Variants in ZNF804B observed in about 807,000 individuals in gnomAD.
ZNF804B encodes zinc finger protein 804B.
A neutral mutation model predicts 101.4 loss-of-function variants in ZNF804B; 80 were observed. The ratio of observed to expected loss-of-function variants is 0.79; its 90% CI spans 0.66 to 0.95. ZNF804B has a LOEUF of 0.95. ZNF804B is among the 40% of genes least tolerant of loss of function. The pLI, the probability that ZNF804B is intolerant of heterozygous loss-of-function variation, is 0.00. For missense variants in ZNF804B, 1,673 were observed against 1,561.9 expected, an observed-to-expected ratio of 1.07 and a Z score of -1.20; for synonymous variants, 622 against 558.8, an observed-to-expected ratio of 1.11 and a Z score of -1.59.
chr7:89,050,219 G>A (rs1294927282), intron 1 of ZNF804B, among the ~76,000 whole-genome samples: 4 of 152,030 alleles, frequency 2.6e-5, no homozygotes, highest in Non-Finnish European at 5.9e-5. Context: ...TTATTACCAA[G>A]TGACCTAGAT....
chr7:88,811,019 G>A (rs529033426), intron 1 of ZNF804B, among the ~76,000 whole-genome samples: 2 of 151,046 alleles, frequency 1.3e-5, no homozygotes, highest in South Asian at 4.2e-4. Context: ...GATAAACTGA[G>A]AAACCCACCA....
intron 1 of ZNF804B, among the ~76,000 whole-genome samples, chr7:89,031,037 G>A (rs1358198411): frequency 6.6e-6 from 1 of 151,736 alleles, no homozygotes; most frequent in African/African-American, 2.4e-5. Flanking sequence ...GGGGGTTGGG[G>A]GAGGGATAGT....
chr7:88,973,862 A>G (rs376338904), intron 1 of ZNF804B, among the ~76,000 whole-genome samples: 2 of 151,450 alleles, frequency 1.3e-5, no homozygotes, highest in Non-Finnish European at 3.0e-5. Flanking sequence ...AATTCGTAAG[A>G]TGCCATCATC....
chr7:88,854,464 TTTCTTTCTTTCTCTTTCCTTTC>T (rs1583977367), intron 1 of ZNF804B, among the ~76,000 whole-genome samples: 5 of 122,974 alleles, frequency 4.1e-5, no homozygotes, highest in East Asian at 2.7e-4. Context: ...TCTTTCTTTC[TTTCTTTCTTTCTCTTTCCTTTC>T]CTTTCCTTTC....
At chr7:89,192,500 C>T (rs1788472307) in intron 1 of ZNF804B, among the ~76,000 whole-genome samples, 1 of 151,900 alleles carries the variant, frequency 6.6e-6, no homozygotes, top group South Asian at 2.1e-4. Flanking sequence ...AGTGCATGTT[C>T]TATGATTCCA....
At chr7:89,029,949 T>C (rs1788804558) in intron 1 of ZNF804B, among the ~76,000 whole-genome samples, 1 of 152,162 alleles carries the variant, frequency 6.6e-6, no homozygotes, top group African/African-American at 2.4e-5. Context: ...AAATCTGATA[T>C]ATAAAGAGTC....
At chr7:89,016,753 G>T (rs1459987336) in intron 1 of ZNF804B, among the ~76,000 whole-genome samples, 2 of 152,142 alleles carry the variant, frequency 1.3e-5, no homozygotes, top group Non-Finnish European at 2.9e-5. Context: ...TTGTAGTATA[G>T]TTTGAAGTCA....
intron 1 of ZNF804B, among the ~76,000 whole-genome samples, chr7:89,091,722 C>T (rs1789890839): frequency 6.6e-6 from 1 of 152,180 alleles, no homozygotes; most frequent in Non-Finnish European, 1.5e-5. Context: ...ACTGTAACCA[C>T]CTACAAGGAT....
intron 2 of ZNF804B, among the ~76,000 whole-genome samples, chr7:89,228,736 A>G (rs1789136686): frequency 6.6e-6 from 1 of 152,194 alleles, no homozygotes; most frequent in Non-Finnish European, 1.5e-5. Context: ...GTGCAGGTGG[A>G]GCTGCCTGCC....
chr7:89,195,341 CA>C (rs1227456016), intron 1 of ZNF804B, among the ~76,000 whole-genome samples: 1 of 145,558 alleles, frequency 6.9e-6, no homozygotes, highest in Non-Finnish European at 1.5e-5. Context: ...CTGGCCAGGG[CA>C]ATTAGGCAGG....
chr7:89,031,673 T>TC (rs1208838497), intron 1 of ZNF804B, among the ~76,000 whole-genome samples: 13 of 151,564 alleles, frequency 8.6e-5, no homozygotes, highest in African/African-American at 3.1e-4. Context: ...TTTTTTTTTT[T>TC]TCCCAAATGT....
At chr7:88,915,664 A>G (rs1325745957) in intron 1 of ZNF804B, among the ~76,000 whole-genome samples, 2 of 151,910 alleles carry the variant, frequency 1.3e-5, no homozygotes, top group South Asian at 2.1e-4. Flanking sequence ...TTTTCAATAG[A>G]CAGAACTTAG....
intron 1 of ZNF804B, chr7:88,794,863 C>G: frequency 1.2e-6 from 2 of 1,612,900 alleles, no homozygotes; most frequent in East Asian, 2.2e-5. Context: ...GTAATTGCTA[C>G]GTGGGACTTG....
chr7:89,073,486 A>G (rs764175647), intron 1 of ZNF804B, among the ~76,000 whole-genome samples: 1 of 152,198 alleles, frequency 6.6e-6, no homozygotes, highest in South Asian at 2.1e-4. Flanking sequence ...ATATATTACC[A>G]TAATTATCTG....
chr7:88,935,994 C>A (rs1195051512), intron 1 of ZNF804B, among the ~76,000 whole-genome samples: 1 of 149,814 alleles, frequency 6.7e-6, no homozygotes, highest in Non-Finnish European at 1.5e-5. Flanking sequence ...TTCTCCCTCC[C>A]TTCCTCCATT....
At chr7:88,951,688 C>T (rs1793226023) in intron 1 of ZNF804B, among the ~76,000 whole-genome samples, 1 of 151,790 alleles carries the variant, frequency 6.6e-6, no homozygotes, top group Non-Finnish European at 1.5e-5. Flanking sequence ...TATACATGGA[C>T]ACAGGAGATT....
intron 2 of ZNF804B, among the ~76,000 whole-genome samples, chr7:89,263,837 T>C (rs1288904771): frequency 1.3e-5 from 2 of 152,174 alleles, no homozygotes; most frequent in African/African-American, 2.4e-5. Context: ...TTTAAGATTT[T>C]AGAGGAAGTG....
At chr7:88,937,226 G>A (rs953510950) in intron 1 of ZNF804B, among the ~76,000 whole-genome samples, 1 of 151,970 alleles carries the variant, frequency 6.6e-6, no homozygotes, top group African/African-American at 2.4e-5. Flanking sequence ...ACAGGGGAAG[G>A]CCAAATCTCT....
At chr7:89,274,561 C>A (rs1314700558) in intron 2 of ZNF804B, among the ~76,000 whole-genome samples, 1 of 151,428 alleles carries the variant, frequency 6.6e-6, no homozygotes, top group Non-Finnish European at 1.5e-5. Context: ...CTGCTTCATT[C>A]TTAACTGGTG....
Sources: allele counts gnomAD v4.1 joint callset (sites outside exome capture counted in the v4.1 genomes callset), GRCh38; gene constraint gnomAD v4.1.1; transcripts MANE v1.5; gene names NCBI Gene and HGNC (gene_info 2026-07-23, HGNC 2026-07-21).